Variants in CDH4 observed in about 807,000 individuals in gnomAD.
The protein encoded by CDH4 is cadherin 4.
CDH4 carries 33 observed loss-of-function variants against 86.0 expected under a neutral mutation model. The ratio of observed to expected loss-of-function variants is 0.38; its 90% CI spans 0.29 to 0.51. CDH4 has a LOEUF of 0.51. Ranked by LOEUF, CDH4 falls within the 20% of genes least tolerant of loss-of-function variation. The pLI, the probability that CDH4 is intolerant of heterozygous loss-of-function variation, is 0.86. For missense variants in CDH4, 1,114 were observed against 1,307.4 expected, an observed-to-expected ratio of 0.85 and a Z score of 2.28; for synonymous variants, 555 against 549.4, an observed-to-expected ratio of 1.01 and a Z score of -0.14.
chr20:61,313,929 C>G (rs946101918), intron 2 of CDH4, among the ~76,000 whole-genome samples: 3 of 152,086 alleles, frequency 2.0e-5, no homozygotes, highest in Admixed American at 2.0e-4. Context: ...GAGATGGGGT[C>G]CCATCATGTT....
chr20:61,852,531 C>T (rs1982772849), intron 5 of CDH4, among the ~76,000 whole-genome samples: 3 of 152,220 alleles, frequency 2.0e-5, no homozygotes, highest in Admixed American at 6.5e-5. Context: ...TGCTGGCTTC[C>T]AGCTCTGTGC....
chr20:61,304,287 G>A (rs1436337655), intron 2 of CDH4, among the ~76,000 whole-genome samples: 1 of 149,348 alleles, frequency 6.7e-6, no homozygotes, highest in African/African-American at 2.4e-5. Context: ...CCGTTCTTTG[G>A]TGTGGTCGTT....
chr20:61,519,660 G>A (rs930859418), intron 2 of CDH4, among the ~76,000 whole-genome samples: 2 of 152,244 alleles, frequency 1.3e-5, no homozygotes, highest in Non-Finnish European at 2.9e-5. Context: ...GCATCGCAGG[G>A]CGATTACCCT....
chr20:61,592,253 G>T (rs1781652296), intron 2 of CDH4, among the ~76,000 whole-genome samples: 1 of 152,084 alleles, frequency 6.6e-6, no homozygotes, highest in Non-Finnish European at 1.5e-5. Flanking sequence ...TGGTACAATT[G>T]ATTTCACCAC....
chr20:61,431,070 C>T (rs1001597624), intron 2 of CDH4, among the ~76,000 whole-genome samples: 6 of 152,226 alleles, frequency 3.9e-5, no homozygotes, highest in African/African-American at 1.4e-4. Flanking sequence ...TTGGCTGTAG[C>T]ATGCTGGCTC....
intron 2 of CDH4, among the ~76,000 whole-genome samples, chr20:61,637,654 G>A (rs1420888700): frequency 1.3e-5 from 2 of 151,996 alleles, no homozygotes; most frequent in African/African-American, 4.8e-5. Context: ...CCCTTAACAA[G>A]CATCTAAACC....
At chr20:61,637,024 T>TG (rs1477317763) in intron 2 of CDH4, among the ~76,000 whole-genome samples, 1 of 152,222 alleles carries the variant, frequency 6.6e-6, no homozygotes, top group Non-Finnish European at 1.5e-5. Context: ...CAAAGGTTCC[T>TG]GGGTCCATTC....
intron 3 of CDH4, among the ~76,000 whole-genome samples, chr20:61,768,402 TG>T (rs2088728392): frequency 6.6e-6 from 1 of 152,194 alleles, no homozygotes; most frequent in Admixed American, 6.5e-5. Context: ...GCATAGCGCC[TG>T]TATACACATG....
intron 2 of CDH4, among the ~76,000 whole-genome samples, chr20:61,605,978 G>GC (rs1469773584): frequency 6.6e-6 from 1 of 152,084 alleles, no homozygotes; most frequent in African/African-American, 2.4e-5. Flanking sequence ...GGATGAGGAG[G>GC]CCCTGGGTGG....
chr20:61,366,262 G>C (rs933469682), intron 2 of CDH4, among the ~76,000 whole-genome samples: 1 of 152,182 alleles, frequency 6.6e-6, no homozygotes, highest in African/African-American at 2.4e-5. Flanking sequence ...GCAGTCCTGG[G>C]AGGTCATTCT....
intron 2 of CDH4, among the ~76,000 whole-genome samples, chr20:61,371,212 TG>T: frequency 6.6e-6 from 1 of 152,234 alleles, no homozygotes; most frequent in Admixed American, 6.5e-5. Flanking sequence ...TGTGCAGTGC[TG>T]GCGGTGATGG....
chr20:61,563,073 G>A (rs73320402), intron 2 of CDH4, among the ~76,000 whole-genome samples: 2,453 of 152,176 alleles, frequency 0.016, 72 homozygotes, highest in African/African-American at 0.055. Context: ...ACGAGGGTCC[G>A]TGGGGAGCCC....
intron 2 of CDH4, among the ~76,000 whole-genome samples, chr20:61,274,289 A>ATGCAGTTTGGGGGAGTACTATG (rs2084211250): frequency 3.5e-5 from 1 of 28,944 alleles, no homozygotes; most frequent in East Asian, 1.2e-3. Flanking sequence ...GGAGTACCAT[A>ATGCAGTTTGGGGGAGTACTATG]TGCAGTTTGG....
intron 2 of CDH4, among the ~76,000 whole-genome samples, chr20:61,722,393 C>T (rs1412354165): frequency 6.6e-6 from 1 of 152,174 alleles, no homozygotes; most frequent in Non-Finnish European, 1.5e-5. Flanking sequence ...GCACAGAGCC[C>T]ACTCATCCTT....
At position 61,625,302 on chromosome 20, in the gene CDH4, A is replaced by G. The variant is rs1477115061; in HGVS notation, c.170-118261A>G. On this transcript the variant is annotated intron_variant, in intron 2 of 15. Transcript: ENST00000614565. ...CCAAGTTTGTTTCTCTGTGGATTTA[A>G]TTAGTATATTCATTCAACATTCAAA... Among the ~76,000 whole-genome samples the G allele has an allele frequency of 2.0e-5, 3 of 152,276 alleles. No homozygotes were observed. The South Asian group carries it at 6.2e-4, about 32-fold the overall frequency.
intron 8 of CDH4, among the ~76,000 whole-genome samples, chr20:61,903,005 CAAGACTGTCTCAAAA>C (rs2054744557): frequency 1.1e-5 from 1 of 87,006 alleles, no homozygotes; most frequent in Non-Finnish European, 2.0e-5. Context: ...GGCAACAGAG[CAAGACTGTCTCAAAA>C]AAAAAAAAAA....
chr20:61,886,694 G>A (rs1279506680), intron 7 of CDH4, among the ~76,000 whole-genome samples: 1 of 152,326 alleles, frequency 6.6e-6, no homozygotes, highest in Non-Finnish European at 1.5e-5. Context: ...TCCTATGAGG[G>A]CTGGGAGACA....
intron 2 of CDH4, among the ~76,000 whole-genome samples, chr20:61,688,377 T>A (rs1162683548): frequency 6.6e-6 from 1 of 151,534 alleles, no homozygotes; most frequent in African/African-American, 2.4e-5. Flanking sequence ...ACCCAGTGCC[T>A]CAAGGAACTT....
chr20:61,896,063 G>GC (rs770358998), intron 8 of CDH4, among the ~76,000 whole-genome samples: 3 of 152,150 alleles, frequency 2.0e-5, no homozygotes, highest in Admixed American at 2.0e-4. Context: ...CCAGGCCTAG[G>GC]CCCCCGCAGA....
Sources: allele counts gnomAD v4.1 joint callset (sites outside exome capture counted in the v4.1 genomes callset), GRCh38; gene constraint gnomAD v4.1.1; transcripts MANE v1.5; gene names NCBI Gene and HGNC (gene_info 2026-07-23, HGNC 2026-07-21).